Variants in DISP1 observed in about 807,000 individuals in gnomAD.
DISP1 encodes protein dispatched homolog 1.
Under a neutral mutation model 37.3 loss-of-function variants are expected in DISP1, and 30 were observed. That is an observed-to-expected ratio of 0.80 (90% CI 0.60 to 1.09). The LOEUF is 1.09. DISP1 is among the 50% of genes least tolerant of loss of function. DISP1 has a pLI of 0.00. For missense variants in DISP1, 1,598 were observed against 1,879.5 expected (o/e 0.85, Z 2.77); for synonymous variants, 634 against 690.2 (o/e 0.92, Z 1.28).
At chr1:222,952,721 G>C (rs1458737968) in intron 3 of DISP1, among the ~76,000 whole-genome samples, 1 of 152,068 alleles carries the variant, frequency 6.6e-6, no homozygotes. Context: ...GTGGTGGCAC[G>C]CACCTGTAGT....
chr1:222,960,261 T>C (rs952479901), intron 3 of DISP1, among the ~76,000 whole-genome samples: 1 of 152,038 alleles, frequency 6.6e-6, no homozygotes, highest in Non-Finnish European at 1.5e-5. Flanking sequence ...AGAACTGAAA[T>C]TGTAACAGTC....
chr1:222,948,069 G>A (rs1347013037), intron 3 of DISP1, among the ~76,000 whole-genome samples: 1 of 152,186 alleles, frequency 6.6e-6, no homozygotes, highest in Non-Finnish European at 1.5e-5. Context: ...TGGGTAGATG[G>A]TAATGCCATT....
chr1:222,838,603 A>G (rs1429445777), intron 1 of DISP1, among the ~76,000 whole-genome samples: 1 of 150,028 alleles, frequency 6.7e-6, no homozygotes. Context: ...GACCCCATCT[A>G]CAAAGAAAAA....
At chr1:222,929,609 C>T (rs1313014730) in intron 2 of DISP1, among the ~76,000 whole-genome samples, 1 of 151,926 alleles carries the variant, frequency 6.6e-6, no homozygotes, top group Non-Finnish European at 1.5e-5. Flanking sequence ...TTACAGTTCC[C>T]TTTGTTGGCT....
intron 1 of DISP1, chr1:222,872,550 G>C (rs1259748582): frequency 6.6e-6 from 1 of 152,154 alleles, no homozygotes; most frequent in Non-Finnish European, 1.5e-5. Context: ...AGATTTTCTA[G>C]TTTATTTGCG....
In DISP1 at chr1:223,005,819, G is replaced by A; in HGVS notation, c.4422G>A (p.Arg1474=). ...FNHLMGEAGC[R]SCPNNSQSCG... ...ATTTAATGGGGGAGGCTGGTTGTAGGTCTTGCCCAAATAATTCACAAAGTT... is the reference window on the plus strand; with the variant it reads ...ATTTAATGGGGGAGGCTGGTTGTAGATCTTGCCCAAATAATTCACAAAGTT... Residue 1474 remains arginine, a synonymous_variant, in exon 9 of 9, where the codon AGG becomes AGA. Coordinates refer to ENST00000675850, the MANE Select transcript of DISP1 (RefSeq NM_001377229.1). The A allele has an allele frequency of 1.2e-6, 2 of 1,614,206 alleles. No homozygotes were observed. Among genetic ancestry groups the A allele is most frequent in the Non-Finnish European group, 1.7e-6 (2 of 1,180,036 alleles).
chr1:222,833,375 A>G (rs972843062), intron 1 of DISP1, among the ~76,000 whole-genome samples: 1 of 152,188 alleles, frequency 6.6e-6, no homozygotes, highest in African/African-American at 2.4e-5. Context: ...GGTTCTGATC[A>G]ATGGTATTTA....
rs1184905383 is a variant in DISP1, at chr1:222,943,086, A to G, written c.263A>G (p.His88Arg). 1.9e-6 allele frequency: 3 copies of G among 1,614,126 alleles called. No homozygotes were observed. The highest frequency in any genetic ancestry group is 3.3e-5 in the Admixed American group (2 of 60,022). The change falls in exon 3 of 9, where the codon CAT becomes CGT. Residue 88 changes from histidine to arginine, a missense_variant. Transcript: ENST00000675850. ...CAATGCTGCCATCCTTGCCCATACC[A>G]TCACCCTTTGACTAGCCATAGCAGT... Reference protein sequence around the residue: ...LPQCCHPCPYHHPLTSHSSHQ... With the variant: ...LPQCCHPCPYRHPLTSHSSHQ...
intron 2 of DISP1, among the ~76,000 whole-genome samples, chr1:222,936,939 A>G (rs1572555688): frequency 1.3e-5 from 1 of 77,670 alleles, no homozygotes; most frequent in African/African-American, 4.7e-5. Context: ...TGTAATATAT[A>G]TTATATATTA....
At chr1:222,869,613 C>T (rs899375433) in intron 1 of DISP1, among the ~76,000 whole-genome samples, 1 of 151,978 alleles carries the variant, frequency 6.6e-6, no homozygotes, top group Admixed American at 6.6e-5. Flanking sequence ...AGCATCTGAT[C>T]TAAAAACTGG....
At chr1:222,849,142 T>G (rs552442376) in intron 1 of DISP1, among the ~76,000 whole-genome samples, 1 of 152,330 alleles carries the variant, frequency 6.6e-6, no homozygotes, top group Admixed American at 6.5e-5. Context: ...AATGCTTCTT[T>G]CAGTTATTTG....
At chr1:222,823,857 A>G (rs937529653) in intron 1 of DISP1, 2 of 134,288 alleles carry the variant, frequency 1.5e-5, no homozygotes, top group Non-Finnish European at 3.1e-5. Flanking sequence ...GACTCCTAGT[A>G]TCTGAGAACA....
chr1:222,895,400 T>A (rs151174938), intron 1 of DISP1, among the ~76,000 whole-genome samples: 1 of 152,346 alleles, frequency 6.6e-6, no homozygotes, highest in Non-Finnish European at 1.5e-5. Flanking sequence ...TTAATTTGGC[T>A]TATATTTATT....
In DISP1 at chr1:222,994,895, T is replaced by G; in HGVS notation, c.900T>G (p.Tyr300Ter). The G allele has an allele frequency of 1.2e-6, 2 of 1,609,776 alleles. No homozygotes were observed. The highest frequency in any genetic ancestry group is 1.7e-6 in the Non-Finnish European group (2 of 1,176,508). Residue 300 changes from tyrosine to a stop codon, truncating the protein, a stop_gained, in exon 8 of 9, where the codon TAT becomes TAG. Transcript: ENST00000675850. LOFTEE classifies it high-confidence loss of function. ...SFFCDVPSDR[Y>*]SRVVFTSSGG... is the part of the protein sequence containing the mutation. ...TTTTCATATCACCAGGTGACCGATA[T>G]TCCAGAGTGGTATTTACTTCATCTG...
intron 1 of DISP1, among the ~76,000 whole-genome samples, chr1:222,819,212 C>A (rs1253620495): frequency 1.3e-5 from 2 of 152,202 alleles, no homozygotes; most frequent in Non-Finnish European, 2.9e-5. Context: ...TCGCCTTCTG[C>A]AATGATTGTA....
intron 1 of DISP1, among the ~76,000 whole-genome samples, chr1:222,870,239 G>A (rs888114892): frequency 1.2e-4 from 19 of 152,112 alleles, no homozygotes; most frequent in African/African-American, 2.2e-4. Flanking sequence ...GAATAGTGCC[G>A]CAATAAACAT....
At chr1:222,873,229 G>A (rs1669695176) in intron 1 of DISP1, among the ~76,000 whole-genome samples, 2 of 152,164 alleles carry the variant, frequency 1.3e-5, no homozygotes, top group Non-Finnish European at 2.9e-5. Flanking sequence ...GTGGTGTGGT[G>A]CTGAAAAGAA....
At chr1:222,986,306 G>GAA (rs11428664) in intron 4 of DISP1, among the ~76,000 whole-genome samples, 2 of 151,650 alleles carry the variant, frequency 1.3e-5, no homozygotes, top group African/African-American at 2.4e-5. Flanking sequence ...AAGAGCAAGG[G>GAA]AAAAAAAATC....
intron 1 of DISP1, among the ~76,000 whole-genome samples, chr1:222,845,015 ACT>A (rs1309393879): frequency 6.6e-6 from 1 of 152,062 alleles, no homozygotes; most frequent in Non-Finnish European, 1.5e-5. Flanking sequence ...TAACTTTTTG[ACT>A]CTATATTTCA....
Sources: allele counts gnomAD v4.1 joint callset (sites outside exome capture counted in the v4.1 genomes callset), GRCh38; gene constraint gnomAD v4.1.1; transcripts MANE v1.5; gene names NCBI Gene and HGNC (gene_info 2026-07-23, HGNC 2026-07-21).